The following PTPRD variants were observed in gnomAD, a reference collection of about 807,000 sequenced individuals.
PTPRD encodes receptor-type tyrosine-protein phosphatase delta.
Under a neutral mutation model 214.5 loss-of-function variants are expected in PTPRD, and 34 were observed. The ratio of observed to expected loss-of-function variants is 0.16; its 90% CI spans 0.12 to 0.21. The LOEUF is 0.21. PTPRD is among the 10% of genes least tolerant of loss of function. The pLI, the probability that PTPRD is intolerant of heterozygous loss-of-function variation, is 1.00. For missense variants in PTPRD, 2,545 were observed against 2,398.7 expected (o/e 1.06, Z -1.27); for synonymous variants, 1,128 against 845.7 (o/e 1.33, Z -5.79).
At chr9:8,738,483 G>T (rs2091063665) in intron 11 of PTPRD, among the ~76,000 whole-genome samples, 1 of 151,892 alleles carries the variant, frequency 6.6e-6, no homozygotes, top group Admixed American at 6.6e-5. Context: ...GCTTTGTATG[G>T]GAAATGTAGA....
chr9:8,608,121 C>CA (rs1554894392), intron 14 of PTPRD, among the ~76,000 whole-genome samples: 96 of 140,200 alleles, frequency 6.8e-4, no homozygotes, highest in Admixed American at 1.5e-3. Flanking sequence ...ATTTCTAAAC[C>CA]TTTTTTTTTT....
chr9:8,778,787 G>T (rs1425119212), intron 11 of PTPRD, among the ~76,000 whole-genome samples: 1 of 152,108 alleles, frequency 6.6e-6, no homozygotes, highest in African/African-American at 2.4e-5. Context: ...TCCACTCTGA[G>T]CTTCAGTTTT....
intron 10 of PTPRD, among the ~76,000 whole-genome samples, chr9:9,075,355 A>C (rs2099749509): frequency 6.6e-6 from 1 of 152,128 alleles, no homozygotes; most frequent in African/African-American, 2.4e-5. Context: ...TGTTGACTGT[A>C]ATCACCCCGT....
intron 39 of PTPRD, among the ~76,000 whole-genome samples, chr9:8,358,024 T>C (rs1055732691): frequency 1.3e-5 from 2 of 152,166 alleles, no homozygotes; most frequent in Non-Finnish European, 2.9e-5. Flanking sequence ...TACATACAGA[T>C]CATTATACCC....
chr9:9,497,442 T>A (rs904828588), intron 8 of PTPRD, among the ~76,000 whole-genome samples: 1 of 152,312 alleles, frequency 6.6e-6, no homozygotes, highest in African/African-American at 2.4e-5. Context: ...TGTTTTTAAA[T>A]GACTCACTTT....
intron 3 of PTPRD, among the ~76,000 whole-genome samples, chr9:10,165,027 C>T (rs1017421010): frequency 6.6e-6 from 1 of 151,560 alleles, no homozygotes; most frequent in Non-Finnish European, 1.5e-5. Context: ...CTTTGATGGC[C>T]TGAATCACAT....
intron 11 of PTPRD, among the ~76,000 whole-genome samples, chr9:8,897,491 C>G (rs1460653593): frequency 6.6e-6 from 1 of 152,112 alleles, no homozygotes; most frequent in African/African-American, 2.4e-5. Flanking sequence ...AAAGCAGACA[C>G]AGAGAATGTG....
At position 8,863,741 on chromosome 9, in the gene PTPRD, T is replaced by C. The variant is rs1015207415; in HGVS notation, c.-103-129795A>G. On this transcript the variant is annotated intron_variant, in intron 11 of 45. Transcript: ENST00000381196. ...GTTAGTTATATGAGGTATAAACACA[T>C]TTCTGTCACCTTAACCTCTAAATTT... Among the ~76,000 whole-genome samples, 31 of 152,176 alleles carry C rather than the reference T, an allele frequency of 2.0e-4. 1 individual carries two copies. Among genetic ancestry groups the C allele is most frequent in the Non-Finnish European group, 1.0e-4 (7 of 68,014 alleles).
chr9:10,157,655 C>A (rs1319450879), intron 3 of PTPRD, among the ~76,000 whole-genome samples: 1 of 152,030 alleles, frequency 6.6e-6, no homozygotes, highest in Non-Finnish European at 1.5e-5. Context: ...GGTTTCTCGA[C>A]ATTTTTAAAT....
In PTPRD at chr9:10,273,939, G is replaced by A. The variant is rs185602168; in HGVS notation, c.-545+67024C>T. 6.6e-5 allele frequency among the ~76,000 whole-genome samples: 10 copies of A among 151,888 alleles called. No homozygotes were observed. In the East Asian group the frequency reaches 1.6e-3, roughly 24 times the overall value. On this transcript the variant is annotated intron_variant, in intron 3 of 45. Transcript: ENST00000381196. The stretch of plus-strand genomic sequence containing the variant: ...AACAAAAGTTTTTAGCTAACTCAGT[G>A]TAACAATAGCTATGTAATGTAGTTT...
At chr9:9,817,783 G>C (rs912355924) in intron 5 of PTPRD, among the ~76,000 whole-genome samples, 2 of 152,186 alleles carry the variant, frequency 1.3e-5, no homozygotes, top group African/African-American at 4.8e-5. Flanking sequence ...AGATGCTTTA[G>C]CAGTGTCAAA....
intron 11 of PTPRD, among the ~76,000 whole-genome samples, chr9:8,945,839 C>A (rs888588505): frequency 6.6e-6 from 1 of 152,158 alleles, no homozygotes; most frequent in Admixed American, 6.5e-5. Context: ...TCCTTCAAGT[C>A]TCAGTTTAAA....
chr9:9,817,742 T>C (rs747992618), intron 5 of PTPRD, among the ~76,000 whole-genome samples: 1 of 152,202 alleles, frequency 6.6e-6, no homozygotes, highest in Non-Finnish European at 1.5e-5. Flanking sequence ...AGGATAACTG[T>C]CCTGATACAA....
At chr9:8,831,227 C>T (rs1442626845) in intron 11 of PTPRD, among the ~76,000 whole-genome samples, 1 of 152,152 alleles carries the variant, frequency 6.6e-6, no homozygotes, top group Non-Finnish European at 1.5e-5. Context: ...GAATTCATTC[C>T]TGCACTTGTT....
At chr9:9,814,795 CTTTTTTTTTTTT>C (rs34270280) in intron 5 of PTPRD, among the ~76,000 whole-genome samples, 1 of 106,382 alleles carries the variant, frequency 9.4e-6, no homozygotes, top group Non-Finnish European at 1.8e-5. Flanking sequence ...ACCAAAGTGA[CTTTTTTTTTTTT>C]TTTTTTTTTC....
At chr9:8,818,183 G>A (rs2154525480) in intron 11 of PTPRD, among the ~76,000 whole-genome samples, 1 of 151,338 alleles carries the variant, frequency 6.6e-6, no homozygotes, top group South Asian at 2.1e-4. Flanking sequence ...TTAAAGCTTT[G>A]GAAAATATCA....
intron 14 of PTPRD, among the ~76,000 whole-genome samples, chr9:8,547,638 A>T (rs948813021): frequency 7.0e-6 from 1 of 142,750 alleles, no homozygotes; most frequent in Non-Finnish European, 1.5e-5. Flanking sequence ...GTGGAATCCT[A>T]TTTAAAAAAA....
chr9:8,750,694 G>C lies in PTPRD; in HGVS notation c.-103-16748C>G, dbSNP rs571498263. Among the ~76,000 whole-genome samples the C allele has an allele frequency of 6.6e-5, 10 of 152,274 alleles. No homozygotes were observed. The South Asian group carries it at 1.0e-3, about 16-fold the overall frequency. ...GCCCAGGGCAGAGGCTGGGATGCAG[G>C]AATGAGCTTGGTTGTGGCTGGAGCC... On this transcript the variant is annotated intron_variant, in intron 11 of 45. Coordinates refer to ENST00000381196, the MANE Select transcript of PTPRD (RefSeq NM_002839.4).
intron 10 of PTPRD, among the ~76,000 whole-genome samples, chr9:9,173,877 A>T (rs1219907150): frequency 6.6e-6 from 1 of 152,038 alleles, no homozygotes; most frequent in Non-Finnish European, 1.5e-5. Context: ...TCAACACTGT[A>T]TCCCAATATC....
Sources: gnomAD v4.1 joint callset for allele counts (sites outside exome capture counted in the v4.1 genomes callset) on GRCh38, gnomAD v4.1.1 for gene constraint, MANE v1.5 for transcripts, NCBI Gene and HGNC (gene_info 2026-07-23, HGNC 2026-07-21) for gene names.